Variants in TYW1B observed in about 807,000 individuals in gnomAD.
The protein encoded by TYW1B is tRNA-yW synthesizing protein 1 homolog B.
In TYW1B, 73 loss-of-function variants were observed where a neutral mutation model predicts 86.9. The ratio of observed to expected loss-of-function variants is 0.84; its 90% CI spans 0.70 to 1.02. TYW1B has a LOEUF of 1.02. TYW1B is among the 50% of genes least tolerant of loss of function. The probability of loss-of-function intolerance (pLI) is 0.00; values close to 1 mark genes in which losing one functional copy is unlikely to be tolerated. For missense variants in TYW1B, 637 were observed against 827.4 expected (o/e 0.77, Z 2.82); for synonymous variants, 248 against 292.8 (o/e 0.85, Z 1.56).
At position 72,655,647 on chromosome 7, in the gene TYW1B, C is replaced by A. The variant is rs544026353; in HGVS notation, c.1507-26650G>T. Reference sequence around the variant, plus strand: ...CACACCAAGATGACTACTCCCAGGACAAAAAGAGCCAAAACATGTGTTCTC... The same window carrying A: ...CACACCAAGATGACTACTCCCAGGAAAAAAAGAGCCAAAACATGTGTTCTC... On this transcript the variant is annotated intron_variant, in intron 11 of 13. Transcript: ENST00000620995. 6.6e-5 allele frequency among the ~76,000 whole-genome samples: 10 copies of A among 151,888 alleles called. No individual in the cohort carries two copies. The East Asian group carries it at 1.9e-3, about 29-fold the overall frequency.
intron 7 of TYW1B, among the ~76,000 whole-genome samples, chr7:72,775,510 G>A (rs539769348): frequency 2.6e-5 from 4 of 152,260 alleles, no homozygotes; most frequent in Non-Finnish European, 5.9e-5. Flanking sequence ...AGAGGACAGT[G>A]CAGTAACATC....
chr7:72,603,092 T>TGATGGATGGATG (rs61589472), intron 13 of TYW1B, among the ~76,000 whole-genome samples: 23 of 146,996 alleles, frequency 1.6e-4, no homozygotes, highest in South Asian at 4.3e-4. Flanking sequence ...GACAGACAGA[T>TGATGGATGGATG]GATGGATGGA....
chr7:72,778,095 A>G (rs1787988812), intron 6 of TYW1B, among the ~76,000 whole-genome samples: 1 of 152,134 alleles, frequency 6.6e-6, no homozygotes, highest in Non-Finnish European at 1.5e-5. Context: ...CACATCCAAA[A>G]ACCATAAATC....
chr7:72,760,171 T>G (rs1287234014), intron 7 of TYW1B, among the ~76,000 whole-genome samples: 1 of 152,212 alleles, frequency 6.6e-6, no homozygotes, highest in Non-Finnish European at 1.5e-5. Context: ...ACCTGGAGAT[T>G]TTATTTTACT....
intron 13 of TYW1B, among the ~76,000 whole-genome samples, chr7:72,612,733 C>A (rs1287481869): frequency 6.6e-6 from 1 of 151,892 alleles, no homozygotes; most frequent in African/African-American, 2.4e-5. Flanking sequence ...AAATATAAAA[C>A]AAAAACCATT....
chr7:72,588,273 T>C lies in TYW1B; in HGVS notation c.1786-12554A>G, dbSNP rs566131611. Among the ~76,000 whole-genome samples the C allele has an allele frequency of 7.9e-4, 121 of 152,382 alleles. 1 individual carries two copies. The highest frequency in any genetic ancestry group is 2.6e-3 in the African/African-American group (110 of 41,598). On this transcript the variant is annotated intron_variant, in intron 13 of 13. Coordinates refer to ENST00000620995, the MANE Select transcript of TYW1B (RefSeq NM_001145440.3). ...AACTCATTTTCTGAAGTTTCAACTT[T>C]AATCTCCAATTTTGTTGGAGTGGAG...
intron 11 of TYW1B, among the ~76,000 whole-genome samples, chr7:72,655,347 C>T (rs71553254): frequency 3.9e-4 from 60 of 152,134 alleles, no homozygotes; most frequent in Non-Finnish European, 1.9e-4. Context: ...CATGACTAAC[C>T]GTTCCAGAGA....
intron 13 of TYW1B, among the ~76,000 whole-genome samples, chr7:72,592,127 T>A (rs1554431605): frequency 6.8e-6 from 1 of 146,608 alleles, no homozygotes; most frequent in African/African-American, 2.5e-5. Context: ...CCAGCCTCTA[T>A]GTTTTGTTTT....
chr7:72,710,452 T>C (rs34197407), intron 10 of TYW1B, among the ~76,000 whole-genome samples: 2 of 152,216 alleles, frequency 1.3e-5, no homozygotes, highest in Non-Finnish European at 2.9e-5. Context: ...AATAGCTTAG[T>C]TATCTTTATG....
chr7:72,709,233 A>C (rs1554454166), intron 10 of TYW1B, among the ~76,000 whole-genome samples: 1 of 152,056 alleles, frequency 6.6e-6, no homozygotes, highest in African/African-American at 2.4e-5. Context: ...ACTTTTTGAG[A>C]TCTAAATCTA....
Position 72,708,094 on chromosome 7 carries a change from C to G in TYW1B, c.1370+5527G>C, listed in dbSNP as rs782070673. On this transcript the variant is annotated intron_variant, in intron 10 of 13. Coordinates refer to ENST00000620995, the MANE Select transcript of TYW1B (RefSeq NM_001145440.3). ...TTAAACCTCTTTTCTTCACAAATTA[C>G]CCAGTCTCAGTTAGTTCCTTATGGC... Among the ~76,000 whole-genome samples the G allele has an allele frequency of 4.1e-4, 62 of 152,108 alleles. 1 individual carries two copies. Among genetic ancestry groups the G allele is most frequent in the Non-Finnish European group, 1.0e-4 (7 of 68,024 alleles).
chr7:72,772,642 T>C (rs1175429694), intron 7 of TYW1B, among the ~76,000 whole-genome samples: 4 of 152,116 alleles, frequency 2.6e-5, no homozygotes, highest in African/African-American at 7.2e-5. Context: ...TTAAACAAAC[T>C]AGTAGTACAA....
intron 11 of TYW1B, among the ~76,000 whole-genome samples, chr7:72,636,831 T>C (rs1185823655): frequency 1.3e-5 from 2 of 152,218 alleles, no homozygotes; most frequent in Admixed American, 6.5e-5. Flanking sequence ...GTTGCTTCTA[T>C]GCTTATGAGT....
intron 13 of TYW1B, among the ~76,000 whole-genome samples, chr7:72,601,401 A>C (rs1554433689): frequency 6.6e-6 from 1 of 152,122 alleles, no homozygotes; most frequent in African/African-American, 2.4e-5. Flanking sequence ...GTATAGCAAC[A>C]GGAACAGCCA....
chr7:72,632,385 TACGTA>T (rs1812536316), intron 11 of TYW1B, among the ~76,000 whole-genome samples: 3 of 114,804 alleles, frequency 2.6e-5, no homozygotes, highest in Non-Finnish European at 3.3e-5. Flanking sequence ...ATTATATATA[TACGTA>T]TATATATATA....
chr7:72,631,734 C>CA (rs1306540615), intron 11 of TYW1B, among the ~76,000 whole-genome samples: 1 of 151,538 alleles, frequency 6.6e-6, no homozygotes, highest in Non-Finnish European at 1.5e-5. Flanking sequence ...GGCCAGTTAC[C>CA]AAAAAATATA....
At position 72,599,617 on chromosome 7, in the gene TYW1B, T is replaced by C. The variant is rs140073141; in HGVS notation, c.1785+17055A>G. Among the ~76,000 whole-genome samples, 334 of 152,218 alleles carry C rather than the reference T, an allele frequency of 2.2e-3. 3 individuals are homozygous for C. The highest frequency in any genetic ancestry group is 7.4e-3 in the African/African-American group (308 of 41,566). On this transcript the variant is annotated intron_variant, in intron 13 of 13. Coordinates refer to ENST00000620995, the MANE Select transcript of TYW1B (RefSeq NM_001145440.3). ...TCTCTGTGTACAGGTGACGTGATTA[T>C]ACATGTAGAAGATCCCAAAGAATCA... is the stretch of plus-strand genomic sequence containing the variant.
chr7:72,745,562 G>A (rs145963464), intron 7 of TYW1B, among the ~76,000 whole-genome samples: 26 of 152,102 alleles, frequency 1.7e-4, no homozygotes, highest in African/African-American at 6.0e-4. Flanking sequence ...TCTGTCCAGA[G>A]CTCTGGGTAA....
At chr7:72,813,171 C>CTTTTT (rs782128548) in intron 3 of TYW1B, among the ~76,000 whole-genome samples, 8 of 123,766 alleles carry the variant, frequency 6.5e-5, no homozygotes, top group African/African-American at 2.2e-4. Flanking sequence ...CATACTTCTT[C>CTTTTT]TTTTTTTTTT....
Sources: gnomAD v4.1 joint callset for allele counts (sites outside exome capture counted in the v4.1 genomes callset) on GRCh38, gnomAD v4.1.1 for gene constraint, MANE v1.5 for transcripts, NCBI Gene and HGNC (gene_info 2026-07-23, HGNC 2026-07-21) for gene names.